The following ASAP2 variants were observed in gnomAD, a reference collection of about 807,000 sequenced individuals.
The protein encoded by ASAP2 is arf-GAP with SH3 domain, ANK repeat and PH domain-containing protein 2.
ASAP2 carries 45 observed loss-of-function variants against 131.4 expected under a neutral mutation model. The ratio of observed to expected loss-of-function variants is 0.34; its 90% CI spans 0.27 to 0.44. The LOEUF is 0.44. ASAP2 is among the 20% of genes least tolerant of loss of function. The pLI, the probability that ASAP2 is intolerant of heterozygous loss-of-function variation, is 1.00. For missense variants in ASAP2, 1,011 were observed against 1,297.0 expected (o/e 0.78, Z 3.39); for synonymous variants, 510 against 503.0 (o/e 1.01, Z -0.19).
Position 9,356,207 on chromosome 2 carries a change from G to GC in ASAP2, c.1189_1190insC (p.Glu397AlafsTer9). 6.2e-7 allele frequency: 1 copy of GC among 1,614,042 alleles called. No individual in the cohort carries two copies. On this transcript the variant is annotated frameshift_variant, in exon 14 of 28. Transcript: ENST00000281419. LOFTEE classifies it high-confidence loss of function. ...GATGTCTGTGCTGCAAAATAGCAAA[G>GC]AAGAAGCTTTAAACAATGCATTTAA...
intron 11 of ASAP2, among the ~76,000 whole-genome samples, chr2:9,346,214 G>A (rs1293616217): frequency 6.6e-6 from 1 of 152,028 alleles, no homozygotes; most frequent in African/African-American, 2.4e-5. Context: ...GATCAGCTGA[G>A]GTCAGGTTCG....
rs756479913 is a variant in ASAP2, at chr2:9,391,050, G to A, written c.2384-12G>A. The A allele has an allele frequency of 4.4e-5, 71 of 1,614,072 alleles. No individual in the cohort carries two copies. The Middle Eastern group carries it at 9.9e-4, about 22-fold the overall frequency. On this transcript the variant is annotated splice_polypyrimidine_tract_variant and intron_variant, in intron 22 of 27. Transcript: ENST00000281419. ...TGCGTGCATGCGTCTGTGTGCATGC[G>A]TGTGGGTTCAGTTCAGACAGCCTCC...
chr2:9,372,463 C>G (rs1674054772), intron 16 of ASAP2, among the ~76,000 whole-genome samples: 1 of 152,120 alleles, frequency 6.6e-6, no homozygotes, highest in African/African-American at 2.4e-5. Context: ...TGACTTTAAG[C>G]AAAATGATGT....
intron 24 of ASAP2, among the ~76,000 whole-genome samples, chr2:9,397,750 A>ATATATATATATATATTTT (rs1343127000): frequency 2.2e-5 from 1 of 44,810 alleles, no homozygotes; most frequent in African/African-American, 1.7e-4. Flanking sequence ...ATATATATAT[A>ATATATATATATATATTTT]TTTTTTTTTT....
At chr2:9,365,345 T>C (rs1272137557) in intron 15 of ASAP2, among the ~76,000 whole-genome samples, 18 of 152,140 alleles carry the variant, frequency 1.2e-4, no homozygotes, top group Admixed American at 1.2e-3. Context: ...GGAGCTGACC[T>C]TGGGGTCTCC....
At chr2:9,290,198 T>G (rs1040462002) in intron 2 of ASAP2, among the ~76,000 whole-genome samples, 1 of 148,482 alleles carries the variant, frequency 6.7e-6, no homozygotes, top group South Asian at 2.1e-4. Context: ...CTAATGTTAT[T>G]TATTTATTTA....
intron 18 of ASAP2, among the ~76,000 whole-genome samples, chr2:9,378,122 A>G (rs982234010): frequency 6.6e-6 from 1 of 152,160 alleles, no homozygotes; most frequent in African/African-American, 2.4e-5. Flanking sequence ...GGTGAAAAAG[A>G]AACTCCTTTT....
chr2:9,348,226 C>T lies in ASAP2; in HGVS notation c.1024-2582C>T, dbSNP rs181405283. Among the ~76,000 whole-genome samples the T allele has an allele frequency of 4.5e-3, 685 of 152,268 alleles. 4 individuals are homozygous for T. The highest frequency in any genetic ancestry group is 0.016 in the African/African-American group (658 of 41,544). ...CTGCCTCCTGGGTTCAAGCAGTTCT[C>T]CTGCCTCAGCCTCCCAAGTAGCTGG... On this transcript the variant is annotated intron_variant, in intron 11 of 27. Transcript: ENST00000281419.
chr2:9,359,050 A>C (rs1360710913), intron 15 of ASAP2, among the ~76,000 whole-genome samples, 161 bp downstream of exon 15: 1 of 152,190 alleles, frequency 6.6e-6, no homozygotes, highest in Non-Finnish European at 1.5e-5. Flanking sequence ...ATTTTTAGCT[A>C]CTTGTGGTTG....
At chr2:9,299,466 A>G (rs916678913) in intron 3 of ASAP2, among the ~76,000 whole-genome samples, 6 of 152,256 alleles carry the variant, frequency 3.9e-5, no homozygotes, top group Admixed American at 3.9e-4. Flanking sequence ...TTTGGCTCCC[A>G]TGTGTCATTT....
In ASAP2 at chr2:9,404,054, G is replaced by A. The variant is rs1237413270; in HGVS notation, c.*727G>A. On this transcript the variant is annotated 3_prime_UTR_variant, in exon 28 of 28. Coordinates refer to ENST00000281419, the MANE Select transcript of ASAP2 (RefSeq NM_003887.3). Reference sequence around the variant, plus strand: ...CTGAATTTGGTTAAAAACTAAGGATGATGGATTGCAAAACAGTTCTTTTAA... The same window carrying A: ...CTGAATTTGGTTAAAAACTAAGGATAATGGATTGCAAAACAGTTCTTTTAA... The A allele has an allele frequency of 6.6e-6, 1 of 152,236 alleles. No individual in the cohort carries two copies. Among genetic ancestry groups the A allele is most frequent in the Non-Finnish European group, 1.5e-5 (1 of 68,050 alleles). The allele number at this position is 152,236 out of a possible 1,614,324, so 9.4% of individuals were successfully genotyped here. A position where few individuals can be genotyped will look rare whatever the true frequency, so the allele number is the denominator to read the frequency against.
rs114916377 is a variant in ASAP2, at chr2:9,319,502, C to T, written c.421-786C>T. On this transcript the variant is annotated intron_variant, in intron 4 of 27. Coordinates refer to ENST00000281419, the MANE Select transcript of ASAP2 (RefSeq NM_003887.3). ...CCAACTCACGGGCGGGAAGGCATCCCAGGCAGAGGAAAGGCGCAGGTGCGC... is the reference window on the plus strand; with the variant it reads ...CCAACTCACGGGCGGGAAGGCATCCTAGGCAGAGGAAAGGCGCAGGTGCGC... Among the ~76,000 whole-genome samples the T allele has an allele frequency of 3.2e-3, 484 of 152,332 alleles. 2 individuals carry two copies. The highest frequency in any genetic ancestry group is 0.011 in the African/African-American group (460 of 41,586).
intron 9 of ASAP2, among the ~76,000 whole-genome samples, chr2:9,343,027 C>G (rs565050002): frequency 1.3e-5 from 2 of 152,284 alleles, no homozygotes; most frequent in East Asian, 3.9e-4. Context: ...TTAGTTCTTT[C>G]ATCGTTTGGG....
rs370054861 is a variant in ASAP2 at position 9,374,937 on chromosome 2, A to G, written c.1739A>G (p.Asn580Ser). The G allele has an allele frequency of 7.5e-6, 12 of 1,606,632 alleles. No individual in the cohort carries two copies. Among genetic ancestry groups the G allele is most frequent in the South Asian group, 2.2e-5 (2 of 89,720 alleles). ...VDLTEKIPLA[N>S]GHEPDETALH... Reference sequence around the variant, plus strand: ...CTTACGGAAAAAATCCCACTGGCCAACGGACATGTAAGAGTGTGGGTTGTT... The same window carrying G: ...CTTACGGAAAAAATCCCACTGGCCAGCGGACATGTAAGAGTGTGGGTTGTT... Residue 580 changes from asparagine to serine, a missense_variant, in exon 17 of 28, where the codon AAC becomes AGC. Asn to Ser is a conservative substitution (Grantham distance 46, BLOSUM62 1). Transcript: ENST00000281419.
chr2:9,286,447 A>AAAAAAATATATATATATATATAT (rs58605449), intron 2 of ASAP2, among the ~76,000 whole-genome samples: 8 of 148,486 alleles, frequency 5.4e-5, no homozygotes, highest in African/African-American at 2.0e-4. Context: ...GAAAAAAAAA[A>AAAAAAATATATATATATATATAT]ATATATATAT....
At chr2:9,366,885 T>C (rs1307364465) in intron 15 of ASAP2, among the ~76,000 whole-genome samples, 2 of 152,140 alleles carry the variant, frequency 1.3e-5, no homozygotes, top group Non-Finnish European at 2.9e-5. Flanking sequence ...CCGTTTGATG[T>C]TATTTGCCGC....
chr2:9,248,036 C>T (rs542213009), intron 1 of ASAP2, among the ~76,000 whole-genome samples: 1 of 152,206 alleles, frequency 6.6e-6, no homozygotes, highest in Non-Finnish European at 1.5e-5. Context: ...ACAGAAAAGG[C>T]CTTGGAGCTC....
At chr2:9,358,709 C>T in intron 14 of ASAP2, 47 bp from the exon 15 acceptor site, 1 of 1,588,858 alleles carries the variant, frequency 6.3e-7, no homozygotes. Context: ...TGACTCCTGA[C>T]CCTCTTTTTT....
chr2:9,393,788 G>A, intron 24 of ASAP2, 141 bp downstream of exon 24: 1 of 895,796 alleles, frequency 1.1e-6, no homozygotes, highest in Non-Finnish European at 1.6e-6. Flanking sequence ...GGGGCTGAAG[G>A]GTCTTAAAAA....
Sources: gnomAD v4.1 joint callset for allele counts (sites outside exome capture counted in the v4.1 genomes callset) on GRCh38, gnomAD v4.1.1 for gene constraint, MANE v1.5 for transcripts, NCBI Gene and HGNC (gene_info 2026-07-23, HGNC 2026-07-21) for gene names.